Variants in WDR17 observed in about 807,000 individuals in gnomAD.
WDR17 encodes the protein WD repeat domain 17.
A neutral mutation model predicts 161.7 loss-of-function variants in WDR17; 143 were observed. The observed-to-expected ratio is 0.88, with a 90% CI of 0.77 to 1.02. WDR17 has a LOEUF of 1.02. WDR17 is among the 50% of genes least tolerant of loss of function. The pLI, the probability that WDR17 is intolerant of heterozygous loss-of-function variation, is 0.00. For synonymous variants in WDR17, 517 were observed against 515.6 expected, an observed-to-expected ratio of 1.00 and a Z score of -0.04; for missense variants, 1,469 against 1,520.9, an observed-to-expected ratio of 0.97 and a Z score of 0.57.
At chr4:176,096,458 T>G in intron 1 of WDR17, 1 of 1,367,840 alleles carries the variant, frequency 7.3e-7, no homozygotes, top group South Asian at 1.3e-5. Flanking sequence ...TTGTTGTTAC[T>G]TTAGGTGCTG....
rs1455917218 is a variant in WDR17, at chr4:176,097,767, A to ACC, written c.-6-13807_-6-13806insCC. Among the ~76,000 whole-genome samples, 11 of 151,230 alleles carry ACC rather than the reference A, an allele frequency of 7.3e-5. 1 individual carries two copies. The South Asian group carries it at 1.3e-3, about 17-fold the overall frequency. ...TACACACACACACACACACACACACACACAATGCCAATATCCTTGTTTGTA... is the reference window on the plus strand; with the variant it reads ...TACACACACACACACACACACACACACCCACAATGCCAATATCCTTGTTTGTA... On this transcript the variant is annotated intron_variant, in intron 1 of 28. Transcript: ENST00000508596.
chr4:176,131,446 C>T, intron 6 of WDR17, 108 bp from the exon 7 acceptor site: 1 of 1,119,534 alleles, frequency 8.9e-7, no homozygotes, highest in Non-Finnish European at 1.2e-6. Flanking sequence ...TGATCATTGC[C>T]TAAATGGTTT....
chr4:176,087,321 T>G (rs1342265488), intron 1 of WDR17, among the ~76,000 whole-genome samples: 1 of 152,092 alleles, frequency 6.6e-6, no homozygotes, highest in East Asian at 1.9e-4. Flanking sequence ...GTTTACTGAA[T>G]TTTTAGTTAT....
intron 3 of WDR17, among the ~76,000 whole-genome samples, chr4:176,118,710 A>G (rs188376051): frequency 1.2e-3 from 187 of 152,258 alleles, no homozygotes; most frequent in African/African-American, 4.3e-3. Flanking sequence ...ACAGTAGCAC[A>G]GTGGTTTCTA....
At chr4:176,110,630 A>G (rs1052851147) in intron 1 of WDR17, among the ~76,000 whole-genome samples, 3 of 152,222 alleles carry the variant, frequency 2.0e-5, no homozygotes, top group African/African-American at 7.2e-5. Flanking sequence ...TCATAGACTT[A>G]CAGCCTCACC....
At chr4:176,165,741 C>T (rs549286371) in intron 22 of WDR17, among the ~76,000 whole-genome samples, 2 of 152,236 alleles carry the variant, frequency 1.3e-5, no homozygotes, top group Non-Finnish European at 2.9e-5. Flanking sequence ...AGTTCAAACT[C>T]ATAACATAGT....
At position 176,148,326 on chromosome 4, in the gene WDR17, G is replaced by C; in HGVS notation, c.1888G>C (p.Asp630His). Residue 630 changes from aspartate (D) to histidine (H), a missense_variant, in exon 13 of 29, where the codon GAT becomes CAT. Physicochemically the swap from Asp to His is moderately conservative, Grantham distance 81 (BLOSUM62 -1). Coordinates refer to ENST00000508596, the MANE Select transcript of WDR17 (RefSeq NM_181265.4). ...GGATACTGTGTATGATCACGGTGCA[G>C]ATGTATATGGTAGAGTGTCTTTCAT... ...CVDTVYDHGA[D>H]VYGLTCHPSR... The C allele has an allele frequency of 6.2e-7, 1 of 1,613,546 alleles. No individual in the cohort carries two copies. Among genetic ancestry groups the C allele is most frequent in the Non-Finnish European group, 8.5e-7 (1 of 1,179,672 alleles).
chr4:176,151,785 T>A (rs763261351), intron 16 of WDR17, 27 bp from the exon 17 acceptor site: 125 of 1,541,022 alleles, frequency 8.1e-5, no homozygotes, highest in African/African-American at 1.1e-4. Context: ...CAAATTTTTT[T>A]AAATTCTATT....
chr4:176,066,348 A>T (rs1402287974), intron 1 of WDR17, among the ~76,000 whole-genome samples: 1 of 152,192 alleles, frequency 6.6e-6, no homozygotes, highest in East Asian at 1.9e-4. Flanking sequence ...AACTGTGGAC[A>T]TTTCGAGGGA....
chr4:176,128,785 C>A lies in WDR17; in HGVS notation c.838C>A (p.Pro280Thr), dbSNP rs1472632961. The stretch of plus-strand genomic sequence containing the variant: ...CATTTGGAATGTTTCAAGAACAACA[C>A]CTATTGATAATCTTAAATTAAAGAA... ...LRIWNVSRTT[P>T]IDNLKLKKTG... The change falls in exon 6 of 29, where the codon CCT becomes ACT. Residue 280 changes from proline (P) to threonine (T), a missense_variant. Pro to Thr is a conservative substitution (Grantham distance 38). Transcript: ENST00000508596. The A allele has an allele frequency of 1.9e-6, 3 of 1,605,554 alleles. No individual in the cohort carries two copies. The African/African-American group carries it at 4.0e-5, about 22-fold the overall frequency.
chr4:176,152,004 A>AACG (rs746912263), intron 17 of WDR17, 37 bp downstream of exon 17: 3 of 1,585,224 alleles, frequency 1.9e-6, no homozygotes. Flanking sequence ...TGAGTTTAAC[A>AACG]TAGTAGTCTA....
At chr4:176,086,301 T>G in intron 1 of WDR17, among the ~76,000 whole-genome samples, 1 of 151,974 alleles carries the variant, frequency 6.6e-6, no homozygotes, top group East Asian at 1.9e-4. Context: ...ATATGTCAGT[T>G]GAGTCCTTTT....
At chr4:176,096,866 T>C (rs1473116772) in intron 1 of WDR17, among the ~76,000 whole-genome samples, 1 of 151,728 alleles carries the variant, frequency 6.6e-6, no homozygotes, top group African/African-American at 2.4e-5. Flanking sequence ...TAATATTTTA[T>C]ATATTGAGAT....
chr4:176,133,258 T>TA (rs199845273), intron 7 of WDR17, among the ~76,000 whole-genome samples: 2,543 of 96,564 alleles, frequency 0.026, 44 homozygotes, highest in Non-Finnish European at 0.035. Flanking sequence ...CTCCTCTCTC[T>TA]AAAAAAAAAA....
chr4:176,125,510 A>G (rs1443015026), intron 5 of WDR17, among the ~76,000 whole-genome samples, 155 bp downstream of exon 5: 2 of 152,202 alleles, frequency 1.3e-5, no homozygotes, highest in Non-Finnish European at 2.9e-5. Context: ...TTTTATTTAT[A>G]TTGTATGTCA....
Position 176,094,001 on chromosome 4 carries a change from G to A in WDR17, c.-6-17574G>A, listed in dbSNP as rs10017020. Among the ~76,000 whole-genome samples the A allele has an allele frequency of 8.7e-3, 1,325 of 151,994 alleles. 28 individuals carry two copies. Among genetic ancestry groups the A allele is most frequent in the African/African-American group, 0.03 (1,223 of 41,438 alleles). On this transcript the variant is annotated intron_variant, in intron 1 of 28. Coordinates refer to ENST00000508596, the MANE Select transcript of WDR17 (RefSeq NM_181265.4). Reference sequence around the variant, plus strand: ...GAACTATTATATGCTCTATGAATACGGTATTTTATTTACACTGGACTTATA... The same window carrying A: ...GAACTATTATATGCTCTATGAATACAGTATTTTATTTACACTGGACTTATA...
chr4:176,137,473 A>G (rs1319260537), intron 8 of WDR17, 47 bp from the exon 9 acceptor site: 11 of 1,468,002 alleles, frequency 7.5e-6, no homozygotes, highest in Non-Finnish European at 1.0e-5. Flanking sequence ...AAAGAATTAC[A>G]TTTGTGGGAA....
intron 23 of WDR17, among the ~76,000 whole-genome samples, chr4:176,170,904 C>G (rs1195575775): frequency 6.6e-6 from 1 of 152,188 alleles, no homozygotes; most frequent in Non-Finnish European, 1.5e-5. Flanking sequence ...TATTCTACGT[C>G]AAAAATACGT....
chr4:176,132,968 G>C (rs1743709594), intron 7 of WDR17, among the ~76,000 whole-genome samples: 1 of 151,494 alleles, frequency 6.6e-6, no homozygotes, highest in Non-Finnish European at 1.5e-5. Flanking sequence ...ATCAGCACTG[G>C]GTTGAGTCAC....
Sources: allele counts gnomAD v4.1 joint callset (sites outside exome capture counted in the v4.1 genomes callset), GRCh38; gene constraint gnomAD v4.1.1; transcripts MANE v1.5; gene names NCBI Gene and HGNC (gene_info 2026-07-23, HGNC 2026-07-21).